Variants in CSMD1 observed in about 807,000 individuals in gnomAD.
CSMD1 encodes the protein CUB and Sushi multiple domains 1.
In CSMD1, 213 loss-of-function variants were observed where a neutral mutation model predicts 417.5. That is an observed-to-expected ratio of 0.51 (90% CI 0.46 to 0.57). CSMD1 has a LOEUF of 0.57. CSMD1 is among the 20% of genes least tolerant of loss of function. The pLI is 0.00. For synonymous variants in CSMD1, 2,862 were observed against 1,736.8 expected (o/e 1.65, Z -16.11); for missense variants, 6,923 against 4,529.7 (o/e 1.53, Z -15.17).
intron 3 of CSMD1, among the ~76,000 whole-genome samples, chr8:4,406,824 G>C (rs752671794): frequency 1.3e-5 from 2 of 152,192 alleles, no homozygotes; most frequent in South Asian, 2.1e-4. Context: ...AAGTTGTCTT[G>C]TCAGTTACAG....
rs1202975887 is a variant in CSMD1 at position 3,407,903 on chromosome 8, G to A, written c.2067C>T (p.Tyr689=). 13 of 1,606,534 alleles carry A rather than the reference G, an allele frequency of 8.1e-6. No individual in the cohort carries two copies. The Middle Eastern group carries it at 5.0e-4, about 61-fold the overall frequency. The part of the protein sequence containing the change: ...STTGRGFNIT[Y]TTFGQNECHD... ...TGACTGTGTGGGCGTACTTACTGGT[G>A]TAAGTGATGTTGAACCCTCTGCCAG... Residue 689 remains tyrosine, a synonymous_variant, in exon 14 of 70, where the codon TAC becomes TAT. Transcript: ENST00000635120.
chr8:4,802,122 T>C (rs892381791), intron 1 of CSMD1, among the ~76,000 whole-genome samples: 1 of 152,214 alleles, frequency 6.6e-6, no homozygotes, highest in African/African-American at 2.4e-5. Flanking sequence ...TTTAAGGCCA[T>C]CTGGAGGGAT....
chr8:3,890,108 A>G (rs918542744), intron 5 of CSMD1, among the ~76,000 whole-genome samples: 11 of 152,182 alleles, frequency 7.2e-5, no homozygotes, highest in African/African-American at 2.7e-4. Context: ...AGATAATCTG[A>G]TAATATAACT....
At chr8:4,225,276 A>T (rs1585053420) in intron 3 of CSMD1, among the ~76,000 whole-genome samples, 1 of 152,296 alleles carries the variant, frequency 6.6e-6, no homozygotes, top group South Asian at 2.1e-4. Flanking sequence ...ATAGAAAAAA[A>T]TATTATTTAA....
chr8:3,886,559 C>A (rs182178401), intron 5 of CSMD1, among the ~76,000 whole-genome samples: 1 of 152,300 alleles, frequency 6.6e-6, no homozygotes, highest in African/African-American at 2.4e-5. Context: ...AATGACGAAG[C>A]GTGGCTGTGT....
At chr8:4,886,345 T>A (rs569708980) in intron 1 of CSMD1, among the ~76,000 whole-genome samples, 1 of 152,086 alleles carries the variant, frequency 6.6e-6, no homozygotes, top group South Asian at 2.1e-4. Context: ...TTTTTTATTT[T>A]ATGTATATTA....
At chr8:3,865,939 C>T (rs113585280) in intron 5 of CSMD1, among the ~76,000 whole-genome samples, 1,662 of 152,252 alleles carry the variant, frequency 0.011, 19 homozygotes, top group Non-Finnish European at 0.017. Flanking sequence ...ATGTTTCCCT[C>T]GTGTCTGGGA....
intron 1 of CSMD1, among the ~76,000 whole-genome samples, chr8:4,689,712 C>T (rs1265570304): frequency 6.6e-6 from 1 of 152,122 alleles, no homozygotes; most frequent in Non-Finnish European, 1.5e-5. Flanking sequence ...GCCAAATGAA[C>T]TGCAGATCGT....
At chr8:4,873,556 T>G (rs1010747913) in intron 1 of CSMD1, among the ~76,000 whole-genome samples, 1 of 152,112 alleles carries the variant, frequency 6.6e-6, no homozygotes, top group Non-Finnish European at 1.5e-5. Context: ...GAACATATGA[T>G]ACTTCAAAGT....
chr8:3,645,694 G>A (rs141701530), intron 7 of CSMD1, among the ~76,000 whole-genome samples: 1 of 152,158 alleles, frequency 6.6e-6, no homozygotes, highest in African/African-American at 2.4e-5. Flanking sequence ...GCCTTTGAAA[G>A]AACTTTACTT....
chr8:3,219,161 TAAAC>T, intron 29 of CSMD1, 90 bp downstream of exon 29: 5 of 1,015,544 alleles, frequency 4.9e-6, no homozygotes, highest in Non-Finnish European at 7.3e-6. Flanking sequence ...ATTTATGTAT[TAAAC>T]AGACAAGCAA....
chr8:4,581,250 G>A (rs867050491), intron 2 of CSMD1, among the ~76,000 whole-genome samples: 10 of 151,980 alleles, frequency 6.6e-5, no homozygotes, highest in Admixed American at 6.6e-5. Context: ...ATAATAATTG[G>A]GCATTTCAAA....
At chr8:3,266,985 C>A (rs1801482327) in intron 26 of CSMD1, among the ~76,000 whole-genome samples, 1 of 152,226 alleles carries the variant, frequency 6.6e-6, no homozygotes, top group South Asian at 2.1e-4. Context: ...AGAAGACAAA[C>A]AAGCTGACAC....
chr8:3,118,217 T>C (rs1816979111), intron 42 of CSMD1, among the ~76,000 whole-genome samples, 182 bp downstream of exon 42: 1 of 152,242 alleles, frequency 6.6e-6, no homozygotes, highest in Non-Finnish European at 1.5e-5. Flanking sequence ...GTTTCTTTAC[T>C]TCTAACTTAA....
chr8:3,200,132 T>C lies in CSMD1; in HGVS notation c.5099-323A>G, dbSNP rs959439207. Among the ~76,000 whole-genome samples the C allele has an allele frequency of 1.1e-4, 17 of 152,136 alleles. No homozygotes were observed. The East Asian group carries it at 3.1e-3, about 28-fold the overall frequency. On this transcript the variant is annotated intron_variant, in intron 32 of 69. Coordinates refer to ENST00000635120, the MANE Select transcript of CSMD1 (RefSeq NM_033225.6). ...GTGAATCATTTGCTCAGAATCACCT[T>C]ACTCTGATTTTAGTTAAAATTAAAA...
intron 2 of CSMD1, among the ~76,000 whole-genome samples, chr8:4,451,869 A>G (rs1799167504): frequency 6.6e-6 from 1 of 151,642 alleles, no homozygotes; most frequent in Admixed American, 6.6e-5. Context: ...TTCCCTTTCA[A>G]ACCTCATGTG....
chr8:4,342,843 G>C (rs1386522814), intron 3 of CSMD1, among the ~76,000 whole-genome samples: 1 of 152,040 alleles, frequency 6.6e-6, no homozygotes, highest in Non-Finnish European at 1.5e-5. Flanking sequence ...CAGGAAGTGA[G>C]TCACCCTAGA....
intron 38 of CSMD1, among the ~76,000 whole-genome samples, 165 bp downstream of exon 38, chr8:3,161,994 T>G (rs1398732770): frequency 6.6e-6 from 1 of 152,242 alleles, no homozygotes; most frequent in African/African-American, 2.4e-5. Context: ...AAAAGCTGTT[T>G]CCAAATGGTG....
chr8:3,175,162 T>C (rs1425005304), intron 37 of CSMD1, among the ~76,000 whole-genome samples: 1 of 152,210 alleles, frequency 6.6e-6, no homozygotes, highest in East Asian at 1.9e-4. Flanking sequence ...TAAAATCATT[T>C]GACTAAAGAA....
Sources: gnomAD v4.1 joint callset for allele counts (sites outside exome capture counted in the v4.1 genomes callset) on GRCh38, gnomAD v4.1.1 for gene constraint, MANE v1.5 for transcripts, NCBI Gene and HGNC (gene_info 2026-07-23, HGNC 2026-07-21) for gene names.